CYLC2: variants seen among roughly 807,000 people sequenced by gnomAD.
CYLC2 encodes the protein cylicin 2.
A neutral mutation model predicts 26.1 loss-of-function variants in CYLC2; 30 were observed. The ratio of observed to expected loss-of-function variants is 1.15; its 90% CI spans 0.86 to 1.56. The LOEUF is 1.56. Among genes scored for constraint, CYLC2 ranks in the 40% most tolerant of loss-of-function variants. The pLI is 0.00. For synonymous variants in CYLC2, 158 were observed against 132.8 expected (o/e 1.19, Z -1.31); for missense variants, 498 against 394.4 (o/e 1.26, Z -2.23).
intron 5 of CYLC2, among the ~76,000 whole-genome samples, chr9:103,007,744 T>G (rs1260362293): frequency 6.6e-6 from 1 of 152,202 alleles, no homozygotes; most frequent in Non-Finnish European, 1.5e-5. Context: ...TCTCTTTTTA[T>G]TCTTCCTGAC....
At position 103,005,609 on chromosome 9, in the gene CYLC2, T is replaced by A; in HGVS notation, c.978T>A (p.Asp326Glu). The A allele has an allele frequency of 1.9e-6, 3 of 1,608,662 alleles. No individual in the cohort carries two copies. Among genetic ancestry groups the A allele is most frequent in the Non-Finnish European group, 2.5e-6 (3 of 1,178,824 alleles). Residue 326 changes from aspartate (D) to glutamate (E), a missense_variant, in exon 5 of 8, where the codon GAT (aspartate) becomes GAA (glutamate). Transcript: ENST00000374798. ...ATGCAAAGAAAAATGCTAAGAAGGA[T>A]GCAAAGAAGGATGCAAAGAAGAATG... is the stretch of plus-strand genomic sequence containing the variant. ...KKDAKKNAKK[D>E]AKKDAKKNAK...
At position 103,005,687 on chromosome 9, in the gene CYLC2, T is replaced by A; in HGVS notation, c.*9T>A. ...AGAAGAAGGGCAAGTAGGCCTTGGA[T>A]AAGAATTTGAACCGAAAGAATAATT... is the stretch of plus-strand genomic sequence containing the variant. On this transcript the variant is annotated 3_prime_UTR_variant, in exon 5 of 8. Transcript: ENST00000374798. The A allele has an allele frequency of 6.3e-7, 1 of 1,595,670 alleles. No individual in the cohort carries two copies. Among genetic ancestry groups the A allele is most frequent in the South Asian group, 1.1e-5 (1 of 87,800 alleles).
rs1289831588 is a variant in CYLC2, at chr9:103,015,127, TG to T, written c.*817-1760del. On this transcript the variant is annotated intron_variant, in intron 6 of 7. Transcript: ENST00000374798. The stretch of plus-strand genomic sequence containing the variant: ...TGATATACATAACATGTATATCACG[TG>T]ATATACATAACATGTATATCACGTG... 1.7e-3 allele frequency among the ~76,000 whole-genome samples: 94 copies of T among 53,918 alleles called. 5 individuals are homozygous for T. The highest frequency in any genetic ancestry group is 6.3e-3 in the African/African-American group (91 of 14,348). The allele number at this position is 53,918 out of a possible 152,430, so 35.4% of individuals were successfully genotyped here. A position where few individuals can be genotyped will look rare whatever the true frequency, so the allele number is the denominator to read the frequency against.
intron 6 of CYLC2, among the ~76,000 whole-genome samples, chr9:103,014,096 A>T (rs1356926414): frequency 8.4e-6 from 1 of 119,432 alleles, no homozygotes; most frequent in Non-Finnish European, 1.6e-5. Flanking sequence ...TAATATATAA[A>T]ATTAAATATA....
Position 103,001,843 on chromosome 9 carries a change from C to T in CYLC2, c.58+225C>T, listed in dbSNP as rs1459704183. Among the ~76,000 whole-genome samples the T allele has an allele frequency of 4.6e-5, 7 of 151,972 alleles. No homozygotes were observed. The East Asian group carries it at 1.3e-3, about 29-fold the overall frequency. ...GTAAACATGCTCAGTATATGAAAGCCGGAAATAGTTACATGTTAGAAGTCA... is the reference window on the plus strand; with the variant it reads ...GTAAACATGCTCAGTATATGAAAGCTGGAAATAGTTACATGTTAGAAGTCA... On this transcript the variant is annotated intron_variant, in intron 2 of 7. Coordinates refer to ENST00000374798, the MANE Select transcript of CYLC2 (RefSeq NM_001340.5).
chr9:102,995,357 C>A lies in CYLC2; in HGVS notation c.-24C>A, dbSNP rs778352624. ...CAGTTTGAACTTACAATACTTAAGT[C>A]CTGGCAAGTCATAAGTGGGGAAAAT... On this transcript the variant is annotated 5_prime_UTR_variant, in exon 1 of 8. Coordinates refer to ENST00000374798, the MANE Select transcript of CYLC2 (RefSeq NM_001340.5). 6.3e-7 allele frequency: 1 copy of A among 1,597,596 alleles called. No individual in the cohort carries two copies.
At chr9:103,013,449 A>T (rs1306466963) in intron 6 of CYLC2, among the ~76,000 whole-genome samples, 1 of 106,596 alleles carries the variant, frequency 9.4e-6, no homozygotes, top group Non-Finnish European at 1.7e-5. Context: ...ACAGAAATAT[A>T]TATTTATCTA....
intron 2 of CYLC2, among the ~76,000 whole-genome samples, chr9:103,002,352 G>GCT: frequency 8.7e-6 from 1 of 114,916 alleles, no homozygotes; most frequent in Admixed American, 1.1e-4. Flanking sequence ...TATAGCATTT[G>GCT]CCCCCTTTTT....
At chr9:103,014,140 A>T (rs1166065818) in intron 6 of CYLC2, among the ~76,000 whole-genome samples, 1 of 121,330 alleles carries the variant, frequency 8.2e-6, no homozygotes, top group East Asian at 2.4e-4. Flanking sequence ...ATAATATATT[A>T]AATATATTAT....
chr9:102,996,982 G>A (rs555603896), intron 1 of CYLC2, among the ~76,000 whole-genome samples: 35 of 151,876 alleles, frequency 2.3e-4, no homozygotes, highest in Non-Finnish European at 1.9e-4. Flanking sequence ...GTGTGAGATA[G>A]GGTATCTAAA....
At chr9:103,012,962 C>A (rs1418456748) in intron 6 of CYLC2, among the ~76,000 whole-genome samples, 1 of 149,552 alleles carries the variant, frequency 6.7e-6, no homozygotes, top group Non-Finnish European at 1.5e-5. Context: ...TATAAAAATC[C>A]ATAAACTTTG....
chr9:103,015,102 TGATATACATAACATGTATATCAC>T (rs1829482815), intron 6 of CYLC2, among the ~76,000 whole-genome samples: 1 of 49,348 alleles, frequency 2.0e-5, no homozygotes, highest in African/African-American at 7.3e-5. Context: ...GTATATCACG[TGATATACATAACATGTATATCAC>T]GTGATATACA....
intron 3 of CYLC2, among the ~76,000 whole-genome samples, 196 bp from the exon 4 acceptor site, chr9:103,004,499 A>C (rs1324382988): frequency 6.6e-6 from 1 of 152,154 alleles, no homozygotes; most frequent in Non-Finnish European, 1.5e-5. Context: ...GCTCCAAATG[A>C]GGCATGATTA....
At chr9:103,015,738 T>C (rs34175810) in intron 6 of CYLC2, among the ~76,000 whole-genome samples, 99,211 of 148,554 alleles carry the variant, frequency 0.67, 33,426 homozygotes, top group South Asian at 0.82. Flanking sequence ...TTTTGCCTTT[T>C]ATAAAATGTG....
At chr9:103,012,392 C>A (rs1030684475) in intron 6 of CYLC2, among the ~76,000 whole-genome samples, 3 of 151,964 alleles carry the variant, frequency 2.0e-5, no homozygotes, top group African/African-American at 7.3e-5. Flanking sequence ...AGTAAATACA[C>A]CAGATAAAAT....
intron 6 of CYLC2, among the ~76,000 whole-genome samples, chr9:103,013,328 TA>T (rs1829436269): frequency 2.8e-5 from 2 of 70,398 alleles, no homozygotes; most frequent in Non-Finnish European, 5.0e-5. Context: ...AACCTATATA[TA>T]TTTAATATAT....
At chr9:102,999,242 T>C (rs951658848) in intron 1 of CYLC2, among the ~76,000 whole-genome samples, 2 of 151,878 alleles carry the variant, frequency 1.3e-5, no homozygotes, top group African/African-American at 4.8e-5. Flanking sequence ...CCTAAATTTT[T>C]ATCTTCTAAT....
At chr9:103,003,797 C>A (rs762653637) in intron 3 of CYLC2, among the ~76,000 whole-genome samples, 6 of 151,988 alleles carry the variant, frequency 3.9e-5, no homozygotes, top group Admixed American at 1.3e-4. Context: ...AGAAATCCCT[C>A]ATTTGAGTCA....
chr9:103,004,630 A>T (rs538899818), intron 3 of CYLC2, 65 bp from the exon 4 acceptor site: 1 of 1,048,374 alleles, frequency 9.5e-7, no homozygotes, highest in Non-Finnish European at 1.3e-6. Context: ...TATATTTGGG[A>T]TATATTAATA....
Sources: gnomAD v4.1 joint callset for allele counts (sites outside exome capture counted in the v4.1 genomes callset) on GRCh38, gnomAD v4.1.1 for gene constraint, MANE v1.5 for transcripts, NCBI Gene and HGNC (gene_info 2026-07-23, HGNC 2026-07-21) for gene names.